Variants in PDIA4 observed in about 807,000 individuals in gnomAD.
The protein encoded by PDIA4 is protein disulfide isomerase family A member 4, also known as protein disulfide-isomerase A4.
Under a neutral mutation model 62.1 loss-of-function variants are expected in PDIA4, and 33 were observed. That is an observed-to-expected ratio of 0.53 (90% CI 0.40 to 0.71). The LOEUF is 0.71. Ranked by LOEUF, PDIA4 falls within the 30% of genes least tolerant of loss-of-function variation. PDIA4 has a pLI of 0.00. For synonymous variants in PDIA4, 341 were observed against 324.1 expected (o/e 1.05, Z -0.56); for missense variants, 804 against 813.6 (o/e 0.99, Z 0.14).
intron 9 of PDIA4, 75 bp downstream of exon 9, chr7:149,005,066 G>T: frequency 8.5e-7 from 1 of 1,170,372 alleles, no homozygotes; most frequent in Non-Finnish European, 1.3e-6. Flanking sequence ...AGCACCAGAC[G>T]CCCCTGGCCT....
chr7:149,020,861 C>T, intron 2 of PDIA4, 106 bp downstream of exon 2: 1 of 1,472,672 alleles, frequency 6.8e-7, no homozygotes, highest in Non-Finnish European at 9.0e-7. Context: ...GTTCCTGCAC[C>T]CAGACACTCC....
At position 149,003,457 on chromosome 7, in the gene PDIA4, A is replaced by C; in HGVS notation, c.*337T>G. 1 of 196,456 alleles carries C rather than the reference A, an allele frequency of 5.1e-6. No individual in the cohort carries two copies. The highest frequency in any genetic ancestry group is 1.2e-4 in the East Asian group (1 of 8,172). 12.2% of individuals were successfully genotyped at this position (196,456 alleles called of 1,614,324 possible). A position where few individuals can be genotyped will look rare whatever the true frequency, so the allele number is the denominator to read the frequency against. ...AAAATCAACATGATTTGGAAAAGGA[A>C]TTTTAAACCTTAAATTAAAAAAAGA... On this transcript the variant is annotated 3_prime_UTR_variant, in exon 10 of 10. Coordinates refer to ENST00000652332, the MANE Select transcript of PDIA4 (RefSeq NM_004911.5).
chr7:149,004,853 G>C (rs1407157742), intron 9 of PDIA4, among the ~76,000 whole-genome samples: 1 of 152,218 alleles, frequency 6.6e-6, no homozygotes, highest in Admixed American at 6.5e-5. Flanking sequence ...GATGGACTCC[G>C]AATCTTGCTT....
Position 149,021,068 on chromosome 7 carries a change from C to T in PDIA4, c.168G>A (p.Leu56=). Residue 56 remains leucine, a synonymous_variant, in exon 2 of 10, where the codon TTG becomes TTA. Coordinates refer to ENST00000652332, the MANE Select transcript of PDIA4 (RefSeq NM_004911.5). ...EEDDDEEEDD[L]EVKEENGVLV... The stretch of plus-strand genomic sequence containing the variant: ...AGACTCCATTTTCTTCCTTAACTTC[C>T]AAGTCGTCTTCTTCCTCATCATCAT... 1 of 1,613,984 alleles carries T rather than the reference C, an allele frequency of 6.2e-7. No homozygotes were observed. Among genetic ancestry groups the T allele is most frequent in the Non-Finnish European group, 8.5e-7 (1 of 1,179,918 alleles).
intron 1 of PDIA4, among the ~76,000 whole-genome samples, chr7:149,022,765 C>A (rs538128640): frequency 6.6e-6 from 1 of 152,208 alleles, no homozygotes; most frequent in East Asian, 1.9e-4. Context: ...CTGTGCCTGC[C>A]CTCTGCTCCT....
intron 9 of PDIA4, 142 bp downstream of exon 9, chr7:149,004,999 C>T: frequency 1.4e-6 from 1 of 697,716 alleles, no homozygotes; most frequent in South Asian, 1.7e-5. Flanking sequence ...GTCAGAGTCC[C>T]TCGGGGGTGA....
At chr7:149,021,932 A>G (rs1201228148) in intron 1 of PDIA4, among the ~76,000 whole-genome samples, 1 of 152,050 alleles carries the variant, frequency 6.6e-6, no homozygotes, top group East Asian at 1.9e-4. Context: ...GCATTTCGTG[A>G]TCTCGCCCTA....
chr7:149,023,210 G>A (rs1053472156), intron 1 of PDIA4, among the ~76,000 whole-genome samples: 2 of 152,178 alleles, frequency 1.3e-5, no homozygotes, highest in Admixed American at 1.3e-4. Context: ...CAGGGGCCAG[G>A]CTGACATCTC....
intron 8 of PDIA4, among the ~76,000 whole-genome samples, chr7:149,005,577 C>T (rs1486585621): frequency 6.6e-6 from 1 of 152,200 alleles, no homozygotes; most frequent in Non-Finnish European, 1.5e-5. Context: ...GCCCTTAAGA[C>T]CTGTGCCCAG....
Position 149,012,022 on chromosome 7 carries a change from G to A in PDIA4, c.821-18C>T, listed in dbSNP as rs762789882. The stretch of plus-strand genomic sequence containing the variant: ...AACGATTCCTGGGAGCAGGGCACAC[G>A]CCTGAGCAGGGGCACTAAGAACTGC... On this transcript the variant is annotated intron_variant, in intron 5 of 9. Coordinates refer to ENST00000652332, the MANE Select transcript of PDIA4 (RefSeq NM_004911.5). 25 of 1,594,002 alleles carry A rather than the reference G, an allele frequency of 1.6e-5. No homozygotes were observed. The highest frequency in any genetic ancestry group is 1.7e-4 in the Middle Eastern group (1 of 5,958).
chr7:149,024,099 T>G lies in PDIA4; in HGVS notation c.89-2952A>C, dbSNP rs139254690. Among the ~76,000 whole-genome samples the G allele has an allele frequency of 8.8e-3, 1,340 of 152,134 alleles. 12 individuals carry two copies. The highest frequency in any genetic ancestry group is 0.065 in the Middle Eastern group (19 of 294). ...CCGTCTTTACTAAAAGTACAAAAAT[T>G]AGCTGGGCATGTTGGTGCATGCCTG... is the stretch of plus-strand genomic sequence containing the variant. On this transcript the variant is annotated intron_variant, in intron 1 of 9. Transcript: ENST00000652332.
At chr7:149,017,118 C>A (rs1824163930) in intron 3 of PDIA4, among the ~76,000 whole-genome samples, 2 of 152,052 alleles carry the variant, frequency 1.3e-5, no homozygotes, top group African/African-American at 4.8e-5. Context: ...GTCCAGAACA[C>A]AGGCCTATCT....
At chr7:149,006,251 G>A (rs1823753807) in intron 7 of PDIA4, 198 bp from the exon 8 acceptor site, 2 of 528,196 alleles carry the variant, frequency 3.8e-6, no homozygotes, top group Non-Finnish European at 6.4e-6. Flanking sequence ...TCCCTCCAGT[G>A]AACCGTAGGT....
Position 149,028,492 on chromosome 7 carries a change from CTCCT to C in PDIA4, c.-88_-85del. 7 of 967,158 alleles carry C rather than the reference CTCCT, an allele frequency of 7.2e-6. No individual in the cohort carries two copies. The highest frequency in any genetic ancestry group is 1.0e-5 in the Non-Finnish European group (7 of 691,914). 59.9% of individuals were successfully genotyped at this position (967,158 alleles called of 1,614,324 possible). ...TCGGGGTCTGGCCGACAGCCCGTCG[CTCCT>C]TAGCGACGCGGGGGAGCCGGAAAAA... On this transcript the variant is annotated 5_prime_UTR_variant, in exon 1 of 10. Transcript: ENST00000652332.
chr7:149,012,179 A>C lies in PDIA4; in HGVS notation c.796T>G (p.Tyr266Asp), dbSNP rs773306098. 6.2e-7 allele frequency: 1 copy of C among 1,614,042 alleles called. No individual in the cohort carries two copies. Among genetic ancestry groups the C allele is most frequent in the East Asian group, 2.2e-5 (1 of 44,870 alleles). Residue 266 changes from tyrosine to aspartate, a missense_variant, in exon 5 of 10, where the codon TAC (tyrosine) becomes GAC (aspartate). By Grantham distance (160) the Tyr-to-Asp change is radical. Transcript: ENST00000652332. ...CCATATTTTTCTCGTGGGCCGTTGT[A>C]GTCATAAGGCCTTCCTTTGCGGAAA... The part of the protein sequence containing the change: ...KIFRKGRPYD[Y>D]NGPREKYGIV...
intron 8 of PDIA4, among the ~76,000 whole-genome samples, chr7:149,005,669 C>A (rs1259160023): frequency 6.6e-6 from 1 of 152,182 alleles, no homozygotes; most frequent in Non-Finnish European, 1.5e-5. Flanking sequence ...GTCTCAGCTA[C>A]GTCAACTCTA....
chr7:149,026,228 G>T (rs1205699528), intron 1 of PDIA4, among the ~76,000 whole-genome samples: 2 of 152,214 alleles, frequency 1.3e-5, no homozygotes, highest in Admixed American at 6.5e-5. Flanking sequence ...TCAGGGATGA[G>T]AAAGGGTCAA....
At chr7:149,023,284 T>A (rs1824419416) in intron 1 of PDIA4, among the ~76,000 whole-genome samples, 2 of 152,176 alleles carry the variant, frequency 1.3e-5, no homozygotes, top group South Asian at 4.1e-4. Context: ...CAGATCATTC[T>A]AGACCCCCAA....
chr7:149,005,477 G>A (rs1272141143), intron 8 of PDIA4, 103 bp from the exon 9 acceptor site: 4 of 742,044 alleles, frequency 5.4e-6, no homozygotes, highest in African/African-American at 5.2e-5. Context: ...TTCTGACAAT[G>A]CTCAAACCCT....
Sources: allele counts gnomAD v4.1 joint callset (sites outside exome capture counted in the v4.1 genomes callset), GRCh38; gene constraint gnomAD v4.1.1; transcripts MANE v1.5; gene names NCBI Gene and HGNC (gene_info 2026-07-23, HGNC 2026-07-21).